Variants in CMTR1 observed in about 807,000 individuals in gnomAD.
CMTR1 encodes the protein cap-specific mRNA (nucleoside-2'-O-)-methyltransferase 1.
Under a neutral mutation model 107.0 loss-of-function variants are expected in CMTR1, and 39 were observed. The ratio of observed to expected loss-of-function variants is 0.36; its 90% CI spans 0.28 to 0.48. The LOEUF (loss-of-function observed/expected upper bound fraction) is 0.48, where lower values mean the gene tolerates loss of function less well. CMTR1 is among the 20% of genes least tolerant of loss of function. CMTR1 has a pLI of 0.99. For missense variants in CMTR1, 672 were observed against 1,064.9 expected (o/e 0.63, Z 5.14); for synonymous variants, 366 against 379.5 (o/e 0.96, Z 0.41).
chr6:37,445,032 T>TA (rs904024674), intron 3 of CMTR1, among the ~76,000 whole-genome samples: 2 of 150,492 alleles, frequency 1.3e-5, no homozygotes, highest in Non-Finnish European at 3.0e-5. Flanking sequence ...TCTCAAAAAA[T>TA]AAAAAAAAAG....
At chr6:37,475,564 A>T (rs1429941803) in intron 19 of CMTR1, 152 bp downstream of exon 19, 1 of 664,540 alleles carries the variant, frequency 1.5e-6, no homozygotes, top group Non-Finnish European at 2.6e-6. Context: ...CTGGTCCCAA[A>T]GTCAGGGTGA....
intron 8 of CMTR1, among the ~76,000 whole-genome samples, chr6:37,457,084 G>A (rs931240567): frequency 6.6e-6 from 1 of 151,852 alleles, no homozygotes; most frequent in Non-Finnish European, 1.5e-5. Flanking sequence ...GTTGAGCGTG[G>A]TGGTGTGTGT....
upstream of CMTR1, among the ~76,000 whole-genome samples, chr6:37,428,462 T>C (rs150269781): frequency 1.0e-3 from 158 of 152,264 alleles, no homozygotes; most frequent in African/African-American, 3.6e-3. Flanking sequence ...TTTTTTGTTT[T>C]GTTTTGTTTT....
intron 4 of CMTR1, 138 bp from the exon 5 acceptor site, chr6:37,450,113 T>C: frequency 1.6e-6 from 1 of 635,266 alleles, no homozygotes; most frequent in Non-Finnish European, 2.8e-6. Flanking sequence ...GTCTGACCAC[T>C]GCATTTGGCT....
rs1771790959 is a variant in CMTR1 at position 37,446,210 on chromosome 6, G to A, written c.286-81G>A. On this transcript the variant is annotated intron_variant, in intron 3 of 23. Transcript: ENST00000373451. Reference sequence around the variant, plus strand: ...AATCATCTATTTTTCTTAGGATTTAGCACACTGTTTGGCATGTGATGGGGC... The same window carrying A: ...AATCATCTATTTTTCTTAGGATTTAACACACTGTTTGGCATGTGATGGGGC... 9.8e-6 allele frequency: 14 copies of A among 1,430,264 alleles called. No homozygotes were observed. In the Admixed American group the frequency reaches 1.4e-4, roughly 14 times the overall value. The allele number at this position is 1,430,264 out of a possible 1,614,324, so 88.6% of individuals were successfully genotyped here. A position where few individuals can be genotyped will look rare whatever the true frequency, so the allele number is the denominator to read the frequency against.
intron 20 of CMTR1, among the ~76,000 whole-genome samples, chr6:37,477,154 A>G (rs1354136335): frequency 6.6e-6 from 1 of 152,218 alleles, no homozygotes; most frequent in Non-Finnish European, 1.5e-5. Context: ...TAATAGGACT[A>G]TTAGGACTGT....
intron 2 of CMTR1, among the ~76,000 whole-genome samples, chr6:37,438,855 T>C (rs1356437951): frequency 6.6e-6 from 1 of 152,220 alleles, no homozygotes; most frequent in Non-Finnish European, 1.5e-5. Context: ...ACATATCCCC[T>C]GAAATGTATA....
chr6:37,451,045 CCTCA>C (rs1761150989), intron 5 of CMTR1, among the ~76,000 whole-genome samples: 1 of 151,902 alleles, frequency 6.6e-6, no homozygotes, highest in Non-Finnish European at 1.5e-5. Context: ...GTACCACTCT[CCTCA>C]CTCATTTTTT....
chr6:37,471,164 CAACA>C, intron 14 of CMTR1, 87 bp downstream of exon 14: 2 of 1,232,740 alleles, frequency 1.6e-6, no homozygotes. Context: ...TTTTTCATTT[CAACA>C]AACATTTTAA....
chr6:37,425,411 C>G, the CMTR1 span, among the ~76,000 whole-genome samples: 1 of 151,754 alleles, frequency 6.6e-6, no homozygotes, highest in Non-Finnish European at 1.5e-5. Context: ...ATTCTCGTGC[C>G]TCAGCCTCCT....
upstream of CMTR1, among the ~76,000 whole-genome samples, chr6:37,429,890 A>G (rs1262474771): frequency 3.9e-5 from 6 of 152,000 alleles, no homozygotes; most frequent in Non-Finnish European, 5.9e-5. Flanking sequence ...GTGAGCTGAG[A>G]TTGTGCCACT....
chr6:37,428,055 A>AGAGAGG, the CMTR1 span, among the ~76,000 whole-genome samples: 4 of 142,786 alleles, frequency 2.8e-5, no homozygotes, highest in South Asian at 8.7e-4. Context: ...AGAGAGAGAG[A>AGAGAGG]GAGAGAAACT....
At chr6:37,465,417 G>A (rs1245089232) in intron 13 of CMTR1, among the ~76,000 whole-genome samples, 1 of 152,134 alleles carries the variant, frequency 6.6e-6, no homozygotes. Flanking sequence ...GTGCAATGTA[G>A]TGTTACATCA....
At chr6:37,452,798 C>T (rs764800893) in intron 6 of CMTR1, among the ~76,000 whole-genome samples, 16 of 151,684 alleles carry the variant, frequency 1.1e-4, no homozygotes, top group Non-Finnish European at 2.9e-5. Context: ...TGTGTAGCAG[C>T]GGGTGCCGTT....
intron 1 of CMTR1, among the ~76,000 whole-genome samples, chr6:37,434,903 C>T (rs1463061850): frequency 6.6e-6 from 1 of 152,170 alleles, no homozygotes; most frequent in Non-Finnish European, 1.5e-5. Flanking sequence ...TGAGCCACCG[C>T]GCCCAGCTGG....
In CMTR1 at chr6:37,462,109, CCTTT is replaced by C; in HGVS notation, c.1325+10_1325+13del. ...GTCCTGCCAACTCAGAGAGGTGAAGCCTTTCTCTCTATATTAGCCAGATTAATTG... is the reference window on the plus strand; with the variant it reads ...GTCCTGCCAACTCAGAGAGGTGAAGCCTCTCTATATTAGCCAGATTAATTG... On this transcript the variant is annotated splice_region_variant and intron_variant, in intron 12 of 23. Coordinates refer to ENST00000373451, the MANE Select transcript of CMTR1 (RefSeq NM_015050.3). 1 of 1,614,026 alleles carries C rather than the reference CCTTT, an allele frequency of 6.2e-7. No homozygotes were observed. Among genetic ancestry groups the C allele is most frequent in the Non-Finnish European group, 8.5e-7 (1 of 1,180,016 alleles).
Position 37,462,033 on chromosome 6 carries a change from T to TG in CMTR1, c.1257dup (p.Leu420AlafsTer6), listed in dbSNP as rs1398282069. On this transcript the variant is annotated frameshift_variant, in exon 12 of 24. Transcript: ENST00000373451. LOFTEE classifies it high-confidence loss of function. Reference sequence around the variant, plus strand: ...CCGTTTAGTGTGGGGCTTGTCTACCTGCTGTACTGCTGCTTTGAACGAGTT... The same window carrying TG: ...CCGTTTAGTGTGGGGCTTGTCTACCTGGCTGTACTGCTGCTTTGAACGAGTT... 6.2e-7 allele frequency: 1 copy of TG among 1,614,006 alleles called. No homozygotes were observed. Among genetic ancestry groups the TG allele is most frequent in the East Asian group, 2.2e-5 (1 of 44,882 alleles).
chr6:37,439,784 C>T lies in CMTR1; in HGVS notation c.133+4022C>T, dbSNP rs143883279. On this transcript the variant is annotated intron_variant, in intron 2 of 23. Coordinates refer to ENST00000373451, the MANE Select transcript of CMTR1 (RefSeq NM_015050.3). ...GGTTGGAGCTGCCCCTCTTTGTTGT[C>T]ACTGTCATTTTTTAAACATAGTATA... Among the ~76,000 whole-genome samples, 26 of 152,284 alleles carry T rather than the reference C, an allele frequency of 1.7e-4. No individual in the cohort carries two copies. In the East Asian group the frequency reaches 4.6e-3, roughly 27 times the overall value.
At chr6:37,457,235 A>G (rs1248642180) in intron 8 of CMTR1, among the ~76,000 whole-genome samples, 1 of 152,006 alleles carries the variant, frequency 6.6e-6, no homozygotes, top group Non-Finnish European at 1.5e-5. Context: ...AAAAAAACAA[A>G]AAAACCTGGG....
Sources: gnomAD v4.1 joint callset for allele counts (sites outside exome capture counted in the v4.1 genomes callset) on GRCh38, gnomAD v4.1.1 for gene constraint, MANE v1.5 for transcripts, NCBI Gene and HGNC (gene_info 2026-07-23, HGNC 2026-07-21) for gene names.